ZNF208: variants seen among roughly 807,000 people sequenced by gnomAD.
ZNF208 encodes zinc finger protein 95.
In ZNF208, 10 loss-of-function variants were observed where a neutral mutation model predicts 12.1. The ratio of observed to expected loss-of-function variants is 0.83; its 90% CI spans 0.51 to 1.40. The LOEUF (loss-of-function observed/expected upper bound fraction) is 1.40, where lower values mean the gene tolerates loss of function less well. ZNF208 is among the 40% of genes most tolerant of loss of function. The pLI, the probability that ZNF208 is intolerant of heterozygous loss-of-function variation, is 0.00. For synonymous variants in ZNF208, 497 were observed against 488.4 expected (o/e 1.02, Z -0.23); for missense variants, 1,652 against 1,485.0 (o/e 1.11, Z -1.85).
At position 21,971,774 on chromosome 19, in the gene ZNF208, C is replaced by T. The variant is rs757834852; in HGVS notation, c.3260G>A (p.Cys1087Tyr). 6 of 1,613,734 alleles carry T rather than the reference C, an allele frequency of 3.7e-6. No individual in the cohort carries two copies. The Admixed American group carries it at 6.7e-5, about 18-fold the overall frequency. ...ATHAGEEPYK[C>Y]EECGKAFNWS... ...GTTGAAAGCTTTGCCACATTCTTCACATTTGTAGGGTTCCTCTCCAGCATG... is the reference window on the plus strand; with the variant it reads ...GTTGAAAGCTTTGCCACATTCTTCATATTTGTAGGGTTCCTCTCCAGCATG... The change falls in exon 4 of 4, where the codon TGT becomes TAT. Residue 1087 changes from cysteine (C) to tyrosine (Y), a missense_variant. Cys to Tyr is a radical substitution (Grantham distance 194). Around this residue, in one of 3 missense-constraint regions of ZNF208, gnomAD observed 1,239 missense variants for 1,086.2 expected, o/e 1.14. Transcript: ENST00000397126.
At chr19:21,951,017 T>C (rs1322427963) in intron 4 of ZNF208, among the ~76,000 whole-genome samples, 3 of 152,236 alleles carry the variant, frequency 2.0e-5, no homozygotes, top group South Asian at 2.1e-4. Context: ...TCTTGGTTCA[T>C]GCAACTTCAA....
rs532714246 is a variant in ZNF208, at chr19:21,970,441, G to A, written c.*750C>T. Among the ~76,000 whole-genome samples the A allele has an allele frequency of 6.6e-6, 1 of 152,300 alleles. No individual in the cohort carries two copies. The highest frequency in any genetic ancestry group is 1.5e-5 in the Non-Finnish European group (1 of 68,020). Reference sequence around the variant, plus strand: ...TTGCCACATTCTTCAGATTTGTAGGGTTTCCCTCCTGTACAAATTCCCTTA... The same window carrying A: ...TTGCCACATTCTTCAGATTTGTAGGATTTCCCTCCTGTACAAATTCCCTTA... On this transcript the variant is annotated 3_prime_UTR_variant, in exon 4 of 4. Transcript: ENST00000397126.
At chr19:22,010,329 T>C (rs8105991) in intron 1 of ZNF208, among the ~76,000 whole-genome samples, 61,913 of 152,134 alleles carry the variant, frequency 0.41, 12,886 homozygotes, top group East Asian at 0.48. Context: ...AACCCATAGC[T>C]GGGTGCTCTA....
downstream of ZNF208, among the ~76,000 whole-genome samples, chr19:21,963,279 G>A (rs1425167223): frequency 1.3e-5 from 2 of 151,954 alleles, no homozygotes; most frequent in Non-Finnish European, 2.9e-5. Flanking sequence ...AAGCTTTATG[G>A]AATTTTGTTT....
At chr19:21,943,169 A>G (rs1969768474) in intron 4 of ZNF208, among the ~76,000 whole-genome samples, 1 of 152,220 alleles carries the variant, frequency 6.6e-6, no homozygotes, top group Non-Finnish European at 1.5e-5. Context: ...GTGTAGATAC[A>G]TCAAATGAAA....
Position 21,971,741 on chromosome 19 carries a change from G to C in ZNF208, c.3293C>G (p.Ser1098Ter). ...AATTCTCTTATGTTCCATAAGGTTT[G>C]AGGACCAGTTGAAAGCTTTGCCACA... ...EECGKAFNWS[S>*]NLMEHKRIHT... The change falls in exon 4 of 4, where the codon TCA (serine) becomes TGA (stop). Residue 1098 changes from serine (S) to a stop codon, truncating the protein, a stop_gained. Coordinates refer to ENST00000397126, the MANE Select transcript of ZNF208 (RefSeq NM_007153.3). LOFTEE classifies it low-confidence loss of function (END_TRUNC). The C allele has an allele frequency of 6.2e-7, 1 of 1,613,988 alleles. No individual in the cohort carries two copies. The highest frequency in any genetic ancestry group is 8.5e-7 in the Non-Finnish European group (1 of 1,179,974).
At chr19:21,960,605 G>A (rs1372785653) in intron 4 of ZNF208, among the ~76,000 whole-genome samples, 1 of 152,156 alleles carries the variant, frequency 6.6e-6, no homozygotes, top group East Asian at 1.9e-4. Context: ...TGAAGTTTGA[G>A]CGTCACTGGA....
intron 3 of ZNF208, among the ~76,000 whole-genome samples, chr19:21,981,237 C>A (rs954471134): frequency 6.6e-6 from 1 of 152,088 alleles, no homozygotes; most frequent in Non-Finnish European, 1.5e-5. Context: ...GATACCAAAA[C>A]CTGGCAGAGA....
At chr19:21,950,707 C>T (rs1298898654) in intron 4 of ZNF208, among the ~76,000 whole-genome samples, 1 of 151,978 alleles carries the variant, frequency 6.6e-6, no homozygotes, top group Non-Finnish European at 1.5e-5. Context: ...GTTGGCCAGG[C>T]TGGTCTCAAA....
intron 1 of ZNF208, among the ~76,000 whole-genome samples, chr19:22,001,017 G>A (rs1156680608): frequency 6.6e-6 from 1 of 152,042 alleles, no homozygotes; most frequent in African/African-American, 2.4e-5. Flanking sequence ...GGCTGAGTGC[G>A]GTGGCTCACA....
In ZNF208 at chr19:22,005,639, A is replaced by G. The variant is rs1040974263; in HGVS notation, c.3+5153T>C. The stretch of plus-strand genomic sequence containing the variant: ...AGTCACAAACCCCATGGGCTCATCT[A>G]TGCTTCTGACCTACTGTTTAAAAAT... On this transcript the variant is annotated intron_variant, in intron 1 of 3. Coordinates refer to ENST00000397126, the MANE Select transcript of ZNF208 (RefSeq NM_007153.3). 9.2e-5 allele frequency among the ~76,000 whole-genome samples: 14 copies of G among 152,124 alleles called. 1 individual carries two copies. Among genetic ancestry groups the G allele is most frequent in the African/African-American group, 3.1e-4 (13 of 41,430 alleles).
rs1356660366 is a variant in ZNF208 at position 21,966,954 on chromosome 19, T to C, written c.*4237A>G. On this transcript the variant is annotated 3_prime_UTR_variant, in exon 4 of 4. Coordinates refer to ENST00000397126, the MANE Select transcript of ZNF208 (RefSeq NM_007153.3). Reference sequence around the variant, plus strand: ...GTTTGCTTTTTTATTAAATGTATTATAGATTCTGTACATTAATCCTTCATT... The same window carrying C: ...GTTTGCTTTTTTATTAAATGTATTACAGATTCTGTACATTAATCCTTCATT... 6.6e-6 allele frequency: 1 copy of C among 152,208 alleles called. No individual in the cohort carries two copies. Among genetic ancestry groups the C allele is most frequent in the Non-Finnish European group, 1.5e-5 (1 of 68,024 alleles). The allele number at this position is 152,208 out of a possible 1,614,324, so 9.4% of individuals were successfully genotyped here.
Position 21,972,818 on chromosome 19 carries a change from T to G in ZNF208, c.2216A>C (p.His739Pro). 1 of 1,612,552 alleles carries G rather than the reference T, an allele frequency of 6.2e-7. No homozygotes were observed. The highest frequency in any genetic ancestry group is 8.5e-7 in the Non-Finnish European group (1 of 1,179,858). ...SFSTFSVLTK[H>P]KVIHTGEKPY... ...TTTCTCTCCAGTATGAATTACCTTA[T>G]GTTTAGTAAGGACTGAGAATGTACT... is the stretch of plus-strand genomic sequence containing the variant. Residue 739 changes from histidine (H) to proline (P), a missense_variant, in exon 4 of 4, where the codon CAT becomes CCT. By Grantham distance (77) the His-to-Pro change is moderately conservative. Around this residue, in one of 3 missense-constraint regions of ZNF208, gnomAD observed 1,239 missense variants for 1,086.2 expected, o/e 1.14. Coordinates refer to ENST00000397126, the MANE Select transcript of ZNF208 (RefSeq NM_007153.3).
intron 4 of ZNF208, among the ~76,000 whole-genome samples, chr19:21,960,343 T>C (rs1370871095): frequency 1.3e-5 from 2 of 152,070 alleles, no homozygotes; most frequent in African/African-American, 2.4e-5. Flanking sequence ...TAAGTCATAA[T>C]TTATAGTATA....
intron 3 of ZNF208, among the ~76,000 whole-genome samples, chr19:21,978,586 C>G (rs555654825): frequency 6.6e-6 from 1 of 152,068 alleles, no homozygotes; most frequent in Non-Finnish European, 1.5e-5. Context: ...CATCAAAGAC[C>G]AAAGGTAGAT....
At position 21,973,964 on chromosome 19, in the gene ZNF208, G is replaced by A. The variant is rs780894918; in HGVS notation, c.1070C>T (p.Thr357Ile). The change falls in exon 4 of 4, where the codon ACT becomes ATT. Residue 357 changes from threonine (T) to isoleucine (I), a missense_variant. Transcript: ENST00000397126. ...TCCAGTATGAATTACCTTATGTTTA[G>A]TAAGGATTGAGAACTTACTAAAGGC... ...GKAFSKFSILTKHKVIHTGEK... is the reference protein window; with the variant it reads ...GKAFSKFSILIKHKVIHTGEK... The A allele has an allele frequency of 3.7e-6, 6 of 1,613,188 alleles. No individual in the cohort carries two copies. Among genetic ancestry groups the A allele is most frequent in the South Asian group, 3.3e-5 (3 of 91,056 alleles).
chr19:21,977,986 C>G (rs959281114), intron 3 of ZNF208, among the ~76,000 whole-genome samples: 5 of 152,142 alleles, frequency 3.3e-5, no homozygotes, highest in African/African-American at 1.2e-4. Context: ...CTGGATGGAG[C>G]CCATCGCAGC....
intron 1 of ZNF208, among the ~76,000 whole-genome samples, chr19:22,003,558 C>T (rs1970993126): frequency 1.3e-5 from 2 of 151,028 alleles, no homozygotes; most frequent in African/African-American, 4.9e-5. Flanking sequence ...AAACATGTGG[C>T]TAACAAGCAT....
In ZNF208 at chr19:21,956,639, G is replaced by C. The variant is rs139124581; in HGVS notation, c.305+18090C>G. Among the ~76,000 whole-genome samples, 178 of 152,340 alleles carry C rather than the reference G, an allele frequency of 1.2e-3. 6 individuals are homozygous for C. In the South Asian group the frequency reaches 0.022, roughly 19 times the overall value. ...CTTGGGCATGGGACCCTGTGAGTCAGGTACTGGATATAATCTCCTGGTGTG... is the reference window on the plus strand; with the variant it reads ...CTTGGGCATGGGACCCTGTGAGTCACGTACTGGATATAATCTCCTGGTGTG... On this transcript the variant is annotated intron_variant, in intron 4 of 4. Transcript: ENST00000599916.
Sources: gnomAD v4.1 joint callset for allele counts (sites outside exome capture counted in the v4.1 genomes callset) on GRCh38, gnomAD v4.1.1 for gene constraint, gnomAD v4.1.1 regional missense constraint, MANE v1.5 for transcripts, NCBI Gene and HGNC (gene_info 2026-07-23, HGNC 2026-07-21) for gene names.